The following PDLIM1 variants were observed in gnomAD, a reference collection of about 807,000 sequenced individuals.
PDLIM1 encodes the protein PDZ and LIM domain protein 1.
Under a neutral mutation model 35.2 loss-of-function variants are expected in PDLIM1, and 25 were observed. The observed-to-expected ratio is 0.71, with a 90% CI of 0.52 to 0.99. The LOEUF (loss-of-function observed/expected upper bound fraction) is 0.99, where lower values mean the gene tolerates loss of function less well. Ranked by LOEUF, PDLIM1 falls within the 50% of genes least tolerant of loss-of-function variation. The probability of loss-of-function intolerance (pLI) is 0.00; values close to 1 mark genes in which losing one functional copy is unlikely to be tolerated. For missense variants in PDLIM1, 363 were observed against 415.3 expected (o/e 0.87, Z 1.09); for synonymous variants, 152 against 154.0 (o/e 0.99, Z 0.10).
At chr10:95,247,776 A>C (rs2035235412) in intron 4 of PDLIM1, among the ~76,000 whole-genome samples, 1 of 152,226 alleles carries the variant, frequency 6.6e-6, no homozygotes, top group Non-Finnish European at 1.5e-5. Flanking sequence ...CATTGCTTGC[A>C]CAAGCAGGAA....
chr10:95,290,774 A>G lies in PDLIM1; in HGVS notation c.96+46T>C. The stretch of plus-strand genomic sequence containing the variant: ...CGCGGGGCCCCAGTCTCCGCATATC[A>G]CCTCCCATAGCGCCCCGCTTCCACG... On this transcript the variant is annotated intron_variant, in intron 1 of 6. Coordinates refer to ENST00000329399, the MANE Select transcript of PDLIM1 (RefSeq NM_020992.4). The surrounding 1 kb of genome is among the most constrained non-coding windows in gnomAD (Gnocchi z 4.7). 2 of 1,373,372 alleles carry G rather than the reference A, an allele frequency of 1.5e-6. No homozygotes were observed. The highest frequency in any genetic ancestry group is 5.7e-5 in the East Asian group (2 of 35,084). The allele number at this position is 1,373,372 out of a possible 1,614,324, so 85.1% of individuals were successfully genotyped here.
At chr10:95,255,755 A>T (rs1048758488) in intron 4 of PDLIM1, among the ~76,000 whole-genome samples, 1 of 152,186 alleles carries the variant, frequency 6.6e-6, no homozygotes, top group Non-Finnish European at 1.5e-5. Flanking sequence ...ACCTCTTTTC[A>T]ACATAGCATT....
chr10:95,281,643 T>C (rs760512941), intron 1 of PDLIM1, among the ~76,000 whole-genome samples: 4 of 152,192 alleles, frequency 2.6e-5, no homozygotes, highest in South Asian at 2.1e-4. Context: ...AAATGAAGCA[T>C]TGCATAAGTA....
At chr10:95,289,777 T>C (rs2133446745) in intron 1 of PDLIM1, among the ~76,000 whole-genome samples, 2 of 152,336 alleles carry the variant, frequency 1.3e-5, no homozygotes, top group South Asian at 4.1e-4. Context: ...AGCCCAAGAA[T>C]GGAATGTGCC....
chr10:95,273,174 C>G (rs191258198), intron 1 of PDLIM1: 1 of 152,260 alleles, frequency 6.6e-6, no homozygotes, highest in African/African-American at 2.4e-5. Context: ...GATGGGAATT[C>G]CAAGTCCGCA....
rs1296562965 is a variant in PDLIM1, at chr10:95,286,578, T to A, written c.96+4242A>T. On this transcript the variant is annotated intron_variant, in intron 1 of 6. Transcript: ENST00000329399. The stretch of plus-strand genomic sequence containing the variant: ...CCTGGACATTGTACCAGGCCCTCAA[T>A]TAAAGTCCTGGAAGCTTCCCCCAGG... Among the ~76,000 whole-genome samples, 3 of 152,292 alleles carry A rather than the reference T, an allele frequency of 2.0e-5. No individual in the cohort carries two copies. In the East Asian group the frequency reaches 5.8e-4, roughly 29 times the overall value.
Position 95,252,076 on chromosome 10 carries a change from G to A in PDLIM1, c.534-4710C>T, listed in dbSNP as rs569086252. Among the ~76,000 whole-genome samples the A allele has an allele frequency of 3.3e-5, 5 of 152,302 alleles. No individual in the cohort carries two copies. In the East Asian group the frequency reaches 7.7e-4, roughly 24 times the overall value. On this transcript the variant is annotated intron_variant, in intron 4 of 6. Transcript: ENST00000329399. ...AGCCAAATGCCAGAAAAGGCCAAGT[G>A]GGGGGTCCAGACTTCTAGTCTCACC...
chr10:95,244,321 T>G (rs766614886), intron 5 of PDLIM1, among the ~76,000 whole-genome samples: 1 of 152,214 alleles, frequency 6.6e-6, no homozygotes. Context: ...GGAGGGGCCT[T>G]ACTCACTGTG....
intron 5 of PDLIM1, among the ~76,000 whole-genome samples, chr10:95,245,186 G>A (rs538702111): frequency 6.6e-6 from 1 of 152,298 alleles, no homozygotes; most frequent in South Asian, 2.1e-4. Flanking sequence ...GTGTAGCCAG[G>A]TGACTAAATC....
chr10:95,259,723 C>A (rs945130078), intron 4 of PDLIM1, among the ~76,000 whole-genome samples: 1 of 152,198 alleles, frequency 6.6e-6, no homozygotes, highest in Non-Finnish European at 1.5e-5. Flanking sequence ...GGGTTAACAT[C>A]ATCCTTGTGA....
intron 3 of PDLIM1, among the ~76,000 whole-genome samples, chr10:95,264,358 C>A (rs1340259767): frequency 7.2e-5 from 11 of 152,194 alleles, no homozygotes; most frequent in Admixed American, 7.2e-4. Context: ...GGCAGGACAG[C>A]CCTTGATGCT....
Position 95,250,745 on chromosome 10 carries a change from A to G in PDLIM1, c.534-3379T>C, listed in dbSNP as rs146191184. The stretch of plus-strand genomic sequence containing the variant: ...ACTTTCTTCTGAACCCACTCTATAC[A>G]GTTTTAATAACGAGTTTAAGCAAAT... On this transcript the variant is annotated intron_variant, in intron 4 of 6. Transcript: ENST00000329399. 1.2e-3 allele frequency among the ~76,000 whole-genome samples: 181 copies of G among 152,364 alleles called. 2 individuals are homozygous for G. The highest frequency in any genetic ancestry group is 3.9e-3 in the African/African-American group (162 of 41,598).
intron 6 of PDLIM1, 99 bp from the exon 7 acceptor site, chr10:95,238,210 C>A: frequency 9.3e-7 from 1 of 1,079,630 alleles, no homozygotes; most frequent in Non-Finnish European, 1.3e-6. Context: ...GGGCCTGGGG[C>A]TTCTCCCCAG....
chr10:95,240,095 T>C (rs548304642), intron 5 of PDLIM1, among the ~76,000 whole-genome samples: 207 of 152,302 alleles, frequency 1.4e-3, no homozygotes, highest in Middle Eastern at 0.01. Context: ...CTCAAAGACC[T>C]AGAAGCACAA....
At chr10:95,246,942 CCCCAACCTTAG>C (rs1404466866) in intron 5 of PDLIM1, among the ~76,000 whole-genome samples, 4 of 152,338 alleles carry the variant, frequency 2.6e-5, no homozygotes, top group African/African-American at 9.6e-5. Context: ...GTCAGGCTCA[CCCCAACCTTAG>C]CATCCTCTTG....
chr10:95,262,121 G>A (rs2035369208), intron 4 of PDLIM1, among the ~76,000 whole-genome samples: 2 of 152,142 alleles, frequency 1.3e-5, no homozygotes, highest in Non-Finnish European at 2.9e-5. Context: ...CTCTGGGGAG[G>A]GGAGGGGTGA....
intron 4 of PDLIM1, among the ~76,000 whole-genome samples, chr10:95,257,024 A>AAGAAAGAG (rs2035320808): frequency 6.6e-6 from 1 of 150,408 alleles, no homozygotes. Context: ...GAAAGAAAGA[A>AAGAAAGAG]AGAAAGAAAG....
At chr10:95,286,600 C>T (rs370028636) in intron 1 of PDLIM1, among the ~76,000 whole-genome samples, 3 of 152,312 alleles carry the variant, frequency 2.0e-5, no homozygotes, top group Middle Eastern at 3.4e-3. Flanking sequence ...AAGCTTCCCC[C>T]AGGCTTTCCT....
At position 95,247,262 on chromosome 10, in the gene PDLIM1, G is replaced by A; in HGVS notation, c.638C>T (p.Ser213Phe). 6.2e-7 allele frequency: 1 copy of A among 1,614,096 alleles called. No individual in the cohort carries two copies. Among genetic ancestry groups the A allele is most frequent in the Non-Finnish European group, 8.5e-7 (1 of 1,180,002 alleles). Residue 213 changes from serine (S) to phenylalanine (F), a missense_variant, in exon 5 of 7, where the codon TCC (serine) becomes TTC (phenylalanine). By Grantham distance (155) the Ser-to-Phe change is radical. Coordinates refer to ENST00000329399, the MANE Select transcript of PDLIM1 (RefSeq NM_020992.4). ...TTCCTGCAAAACCAAGAAAGACGTGGACTGTTTCGGGGGCTCATTCAACTC... is the reference window on the plus strand; with the variant it reads ...TTCCTGCAAAACCAAGAAAGACGTGAACTGTTTCGGGGGCTCATTCAACTC... ...KQELNEPPKQ[S>F]TSFLVLQEIL...
Sources: allele counts gnomAD v4.1 joint callset (sites outside exome capture counted in the v4.1 genomes callset), GRCh38; gene constraint gnomAD v4.1.1; non-coding constraint Gnocchi (gnomAD v3.1); transcripts MANE v1.5; gene names NCBI Gene and HGNC (gene_info 2026-07-23, HGNC 2026-07-21).